PABPC1: variants seen among roughly 807,000 people sequenced by gnomAD.
The protein encoded by PABPC1 is poly(A) binding protein cytoplasmic 1.
A neutral mutation model predicts 74.0 loss-of-function variants in PABPC1; 4 were observed. The ratio of observed to expected loss-of-function variants is 0.05; its 90% CI spans 0.03 to 0.12. The LOEUF is 0.12. Ranked by LOEUF, PABPC1 falls within the 10% of genes least tolerant of loss-of-function variation. The pLI, the probability that PABPC1 is intolerant of heterozygous loss-of-function variation, is 1.00. For missense variants in PABPC1, 271 were observed against 821.1 expected (o/e 0.33, Z 8.19); for synonymous variants, 227 against 264.1 (o/e 0.86, Z 1.36).
chr8:100,713,923 G>A (rs1350235832), intron 4 of PABPC1, among the ~76,000 whole-genome samples: 1 of 91,258 alleles, frequency 1.1e-5, no homozygotes, highest in Non-Finnish European at 1.9e-5. Flanking sequence ...TTGAAAGACA[G>A]GGAAAAAAAA....
intron 1 of PABPC1, among the ~76,000 whole-genome samples, chr8:100,720,120 T>G (rs2132853): frequency 0.19 from 28,978 of 152,168 alleles, 2,969 homozygotes; most frequent in East Asian, 0.3. Context: ...ATTCTTCATA[T>G]TTCGATTATT....
intron 3 of PABPC1, among the ~76,000 whole-genome samples, chr8:100,717,182 G>A (rs1354293421): frequency 1.3e-5 from 2 of 152,066 alleles, no homozygotes; most frequent in Non-Finnish European, 2.9e-5. Context: ...AGCTAATTTT[G>A]TATTTTTAGT....
At chr8:100,707,890 T>C (rs546506627) in intron 9 of PABPC1, among the ~76,000 whole-genome samples, 17 of 152,376 alleles carry the variant, frequency 1.1e-4, no homozygotes, top group African/African-American at 3.8e-4. Flanking sequence ...GCGTTACCAC[T>C]AGACCAAGGA....
intron 4 of PABPC1, among the ~76,000 whole-genome samples, chr8:100,713,791 T>C (rs1810591444): frequency 6.6e-6 from 1 of 152,148 alleles, no homozygotes; most frequent in South Asian, 2.1e-4. Context: ...TAAGACCAAT[T>C]TGATTTTCTT....
chr8:100,708,284 G>A (rs897132995), intron 9 of PABPC1, among the ~76,000 whole-genome samples: 6 of 152,028 alleles, frequency 3.9e-5, no homozygotes, highest in Admixed American at 1.3e-4. Context: ...GCAAAATCCC[G>A]TCTCTACAAA....
chr8:100,715,158 CATATAT>C (rs1189307757), intron 4 of PABPC1, among the ~76,000 whole-genome samples: 6 of 76,122 alleles, frequency 7.9e-5, no homozygotes, highest in African/African-American at 2.5e-4. Flanking sequence ...CACACACACA[CATATAT>C]ATCTCCAGCC....
intron 4 of PABPC1, among the ~76,000 whole-genome samples, chr8:100,714,065 A>T (rs1276042463): frequency 2.0e-5 from 3 of 152,258 alleles, no homozygotes; most frequent in African/African-American, 7.2e-5. Flanking sequence ...CAAGTGGGGC[A>T]GAAAAGGTTA....
At chr8:100,713,291 G>C in intron 4 of PABPC1, 110 bp from the exon 5 acceptor site, 1 of 563,984 alleles carries the variant, frequency 1.8e-6, no homozygotes, top group Non-Finnish European at 3.0e-6. Flanking sequence ...TCCGTAACTT[G>C]ACTCCTCCCT....
At chr8:100,720,259 ATAT>A (rs57313697) in intron 1 of PABPC1, among the ~76,000 whole-genome samples, 7,572 of 152,254 alleles carry the variant, frequency 0.05, 616 homozygotes, top group African/African-American at 0.17. Flanking sequence ...CAGACCACAG[ATAT>A]TATCTGTTTA....
intron 3 of PABPC1, among the ~76,000 whole-genome samples, chr8:100,715,969 C>T (rs1256773089): frequency 6.6e-6 from 1 of 152,214 alleles, no homozygotes; most frequent in African/African-American, 2.4e-5. Context: ...GGCGCTTGCG[C>T]TTTCTTTGCC....
chr8:100,715,122 T>TACACACAC (rs56819980), intron 4 of PABPC1, among the ~76,000 whole-genome samples: 3,888 of 131,298 alleles, frequency 0.03, 106 homozygotes, highest in African/African-American at 0.083. Flanking sequence ...GATCTCTAAT[T>TACACACAC]ACACACACAC....
At chr8:100,707,069 T>C in intron 9 of PABPC1, 72 bp from the exon 10 acceptor site, 1 of 1,124,974 alleles carries the variant, frequency 8.9e-7, no homozygotes, top group Non-Finnish European at 1.3e-6. Context: ...TGCTGTCTTC[T>C]TCGATCTGAG....
intron 4 of PABPC1, among the ~76,000 whole-genome samples, chr8:100,715,190 A>G (rs1810638452): frequency 6.6e-6 from 1 of 151,948 alleles, no homozygotes; most frequent in Admixed American, 6.6e-5. Flanking sequence ...ATGTAGTAAA[A>G]TATTTTAAAA....
chr8:100,714,613 C>T (rs1472870852), intron 4 of PABPC1, among the ~76,000 whole-genome samples: 1 of 152,084 alleles, frequency 6.6e-6, no homozygotes, highest in Non-Finnish European at 1.5e-5. Flanking sequence ...CACCTGTAAT[C>T]CCAGCTACTC....
rs1239742467 is a variant in PABPC1 at position 100,702,983 on chromosome 8, T to A, written c.*378A>T. On this transcript the variant is annotated 3_prime_UTR_variant, in exon 15 of 15. Coordinates refer to ENST00000318607, the MANE Select transcript of PABPC1 (RefSeq NM_002568.4). ...CAAATTACGTTTCCTTGCTCAGTTATCAATTCTGTTACTTAAAACAGAACT... is the reference window on the plus strand; with the variant it reads ...CAAATTACGTTTCCTTGCTCAGTTAACAATTCTGTTACTTAAAACAGAACT... The A allele has an allele frequency of 6.5e-6, 1 of 154,484 alleles. No individual in the cohort carries two copies. Among genetic ancestry groups the A allele is most frequent in the Non-Finnish European group, 1.5e-5 (1 of 68,068 alleles). 9.6% of individuals were successfully genotyped at this position (154,484 alleles called of 1,614,324 possible). A position where few individuals can be genotyped will look rare whatever the true frequency, so the allele number is the denominator to read the frequency against.
intron 7 of PABPC1, 149 bp downstream of exon 7, chr8:100,712,212 AT>A (rs1264585237): frequency 1.8e-6 from 1 of 550,066 alleles, no homozygotes; most frequent in African/African-American, 1.9e-5. Context: ...CCATTAGGCT[AT>A]GACAACCAGT....
chr8:100,712,139 A>AT (rs1319514689), intron 7 of PABPC1, among the ~76,000 whole-genome samples: 1 of 152,238 alleles, frequency 6.6e-6, no homozygotes, highest in Non-Finnish European at 1.5e-5. Flanking sequence ...GGAATAGTGC[A>AT]TATCATGTGA....
At position 100,715,576 on chromosome 8, in the gene PABPC1, T is replaced by G; in HGVS notation, c.529A>C (p.Lys177Gln). 1 of 1,610,606 alleles carries G rather than the reference T, an allele frequency of 6.2e-7. No homozygotes were observed. The highest frequency in any genetic ancestry group is 8.5e-7 in the Non-Finnish European group (1 of 1,177,542). Reference protein sequence around the residue: ...KVFVGRFKSRKEREAELGARA... With the variant: ...KVFVGRFKSRQEREAELGARA... ...GCTCCAAGTTCAGCTTCTCGTTCTT[T>G]ACGAGACTTAAATCGTCCAACAAAT... is the stretch of plus-strand genomic sequence containing the variant. Residue 177 changes from lysine to glutamine, a missense_variant, in exon 4 of 15, where the codon AAA (lysine) becomes CAA (glutamine). By Grantham distance (53) the Lys-to-Gln change is moderately conservative (BLOSUM62 1). Transcript: ENST00000318607.
chr8:100,703,048 A>C lies in PABPC1; in HGVS notation c.*313T>G, dbSNP rs75237296. The C allele has an allele frequency of 8.9e-5, 2 of 22,574 alleles. No individual in the cohort carries two copies. Among genetic ancestry groups the C allele is most frequent in the Non-Finnish European group, 1.9e-4 (2 of 10,328 alleles). 1.4% of individuals were successfully genotyped at this position (22,574 alleles called of 1,614,324 possible). ...TTCCACAGTAAAGAATTACAAAATT[A>C]AAGAAAGGAATGCTTTAAATTTTTG... On this transcript the variant is annotated 3_prime_UTR_variant, in exon 15 of 15. Transcript: ENST00000318607.
Sources: allele counts gnomAD v4.1 joint callset (sites outside exome capture counted in the v4.1 genomes callset), GRCh38; gene constraint gnomAD v4.1.1; transcripts MANE v1.5; gene names NCBI Gene and HGNC (gene_info 2026-07-23, HGNC 2026-07-21).